The following INPP5A variants were observed in gnomAD, a reference collection of about 807,000 sequenced individuals.
The protein encoded by INPP5A is 43 kDa inositol polyphosphate 5-phophatase.
Under a neutral mutation model 65.2 loss-of-function variants are expected in INPP5A, and 14 were observed. The ratio of observed to expected loss-of-function variants is 0.21; its 90% confidence interval spans 0.14 to 0.34. The LOEUF (loss-of-function observed/expected upper bound fraction) is 0.34, where lower values mean the gene tolerates loss of function less well. Ranked by LOEUF, INPP5A falls within the 10% of genes least tolerant of loss-of-function variation. INPP5A has a pLI of 1.00. For missense variants in INPP5A, 431 were observed against 545.6 expected, an observed-to-expected ratio of 0.79 and a Z score of 2.09; for synonymous variants, 207 against 208.3, an observed-to-expected ratio of 0.99 and a Z score of 0.05.
At chr10:132,606,109 G>A (rs910331716) in intron 1 of INPP5A, among the ~76,000 whole-genome samples, 6 of 151,994 alleles carry the variant, frequency 3.9e-5, no homozygotes, top group African/African-American at 1.5e-4. Context: ...TTGGTGTTTA[G>A]GGTGGCTCCT....
chr10:132,779,374 G>A (rs534385923), intron 13 of INPP5A, among the ~76,000 whole-genome samples: 9 of 152,342 alleles, frequency 5.9e-5, no homozygotes, highest in South Asian at 2.1e-4. Context: ...GGAGCCTCCC[G>A]GGGACTCGGG....
chr10:132,721,235 G>T (rs1845871627), intron 8 of INPP5A, among the ~76,000 whole-genome samples: 1 of 150,442 alleles, frequency 6.6e-6, no homozygotes, highest in African/African-American at 2.4e-5. Flanking sequence ...TCAGGGTTCT[G>T]TGGTGCCTGG....
intron 9 of INPP5A, among the ~76,000 whole-genome samples, chr10:132,736,459 A>G (rs1383177894): frequency 6.6e-6 from 1 of 152,236 alleles, no homozygotes; most frequent in African/African-American, 2.4e-5. Context: ...CTGCAGGGGA[A>G]TGGCCGTTGG....
At chr10:132,769,555 T>TA (rs1288993055) in intron 12 of INPP5A, among the ~76,000 whole-genome samples, 3 of 152,150 alleles carry the variant, frequency 2.0e-5, no homozygotes, top group African/African-American at 7.2e-5. Flanking sequence ...CACGTGTGCT[T>TA]AGAGTTACTG....
chr10:132,744,066 T>C (rs1164452910), intron 9 of INPP5A, among the ~76,000 whole-genome samples: 1 of 152,072 alleles, frequency 6.6e-6, no homozygotes, highest in African/African-American at 2.4e-5. Context: ...CCCACAGAGG[T>C]GGAGGAGTGG....
At chr10:132,567,388 C>T (rs1389113416) in intron 1 of INPP5A, among the ~76,000 whole-genome samples, 1 of 152,252 alleles carries the variant, frequency 6.6e-6, no homozygotes, top group Non-Finnish European at 1.5e-5. Flanking sequence ...TCAAGCACTT[C>T]TCCCTTCTCG....
At chr10:132,667,307 G>A (rs536412036) in intron 4 of INPP5A, among the ~76,000 whole-genome samples, 10 of 152,354 alleles carry the variant, frequency 6.6e-5, no homozygotes, top group African/African-American at 2.4e-4. Flanking sequence ...TCAAAAGAGA[G>A]AGAACAAATC....
At chr10:132,652,583 C>T (rs1012380386) in intron 4 of INPP5A, among the ~76,000 whole-genome samples, 1 of 152,260 alleles carries the variant, frequency 6.6e-6, no homozygotes, top group Non-Finnish European at 1.5e-5. Context: ...GGGCTCTGCT[C>T]CCCGTCTCTG....
At chr10:132,755,273 GCCTT>G (rs1156989550) in intron 11 of INPP5A, among the ~76,000 whole-genome samples, 2 of 151,656 alleles carry the variant, frequency 1.3e-5, no homozygotes, top group African/African-American at 4.8e-5. Context: ...GTGCATGTGA[GCCTT>G]CATGAGCGTG....
intron 6 of INPP5A, among the ~76,000 whole-genome samples, chr10:132,703,982 T>C (rs1252778991): frequency 1.1e-5 from 1 of 89,214 alleles, no homozygotes; most frequent in African/African-American, 4.6e-5. Flanking sequence ...ACACGCAAGC[T>C]TCACCCACAC....
chr10:132,749,677 C>T (rs1372755642), intron 10 of INPP5A, 65 bp downstream of exon 10: 72 of 1,598,322 alleles, frequency 4.5e-5, no homozygotes, highest in Non-Finnish European at 5.6e-5. Context: ...CAGCTTCCTT[C>T]AGAGCCGCCC....
rs537427902 is a variant in INPP5A, at chr10:132,768,319, G to A, written c.977+2473G>A. ...CTCAGCGTTCCCAGGGTGCCCACGC[G>A]CCCAGTTGCATTCCAGAAAGATCCA... On this transcript the variant is annotated intron_variant, in intron 12 of 15. Transcript: ENST00000368594. Among the ~76,000 whole-genome samples the A allele has an allele frequency of 2.5e-3, 334 of 136,310 alleles. 2 individuals carry two copies. The highest frequency in any genetic ancestry group is 4.5e-3 in the Middle Eastern group (1 of 220). 89.4% of individuals were successfully genotyped at this position (136,310 alleles called of 152,430 possible). A position where few individuals can be genotyped will look rare whatever the true frequency, so the allele number is the denominator to read the frequency against.
chr10:132,558,514 G>T (rs544979184), intron 1 of INPP5A, among the ~76,000 whole-genome samples: 2 of 152,340 alleles, frequency 1.3e-5, no homozygotes, highest in South Asian at 4.1e-4. Flanking sequence ...GGGGGCGGGT[G>T]GTCCATATGC....
chr10:132,729,387 T>C (rs926196651), intron 9 of INPP5A, among the ~76,000 whole-genome samples: 5 of 152,206 alleles, frequency 3.3e-5, no homozygotes, highest in Non-Finnish European at 7.3e-5. Flanking sequence ...AGATCAGTCC[T>C]ATTTCTTAAA....
rs1005171619 is a variant in INPP5A, at chr10:132,555,883, C to T, written c.75+17712C>T. Among the ~76,000 whole-genome samples the T allele has an allele frequency of 2.0e-5, 3 of 152,172 alleles. No individual in the cohort carries two copies. Among genetic ancestry groups the T allele is most frequent in the South Asian group, 2.1e-4 (1 of 4,834 alleles). On this transcript the variant is annotated intron_variant, in intron 1 of 15. Coordinates refer to ENST00000368594, the MANE Select transcript of INPP5A (RefSeq NM_005539.5). The surrounding 1 kb of genome is among the most constrained non-coding windows in gnomAD (Gnocchi z 4.4). ...GAATCTGCGTCACAGATGAAAAACA[C>T]GCGTTTCCCCTTTTCGTAAGAGGAT... is the stretch of plus-strand genomic sequence containing the variant.
chr10:132,543,437 A>G (rs1329502272), intron 1 of INPP5A, among the ~76,000 whole-genome samples: 1 of 152,110 alleles, frequency 6.6e-6, no homozygotes, highest in Non-Finnish European at 1.5e-5. Context: ...TAAATTACAG[A>G]GACGGGGTCT....
intron 2 of INPP5A, among the ~76,000 whole-genome samples, chr10:132,613,780 A>G (rs2071991920): frequency 6.6e-6 from 1 of 152,246 alleles, no homozygotes; most frequent in Admixed American, 6.5e-5. Context: ...GGGCTGGATC[A>G]GACACCTGGT....
In INPP5A at chr10:132,650,811, G is replaced by A. The variant is rs2072566619; in HGVS notation, c.306+306G>A. Among the ~76,000 whole-genome samples, 1 of 152,198 alleles carries A rather than the reference G, an allele frequency of 6.6e-6. No individual in the cohort carries two copies. The highest frequency in any genetic ancestry group is 1.5e-5 in the Non-Finnish European group (1 of 68,016). On this transcript the variant is annotated intron_variant, in intron 4 of 15. Coordinates refer to ENST00000368594, the MANE Select transcript of INPP5A (RefSeq NM_005539.5). This position sits in a 1 kb window ranked among gnomAD's most constrained non-coding sequence, Gnocchi z 5.5. ...CCTCAGCGTGCATGAAAATAAGAGG[G>A]AGTCCGGGGCTCCAGGCGTGTAGAT...
Position 132,772,734 on chromosome 10 carries a change from ACGAAGAG to A in INPP5A, c.978-4936_978-4930del. On this transcript the variant is annotated intron_variant, in intron 12 of 15. Coordinates refer to ENST00000368594, the MANE Select transcript of INPP5A (RefSeq NM_005539.5). ...ACACGGAGGCCACGGCAGCCGCCCC[ACGAAGAG>A]TGGGACGGACACTCAGCACTGACAC... Among the ~76,000 whole-genome samples the A allele has an allele frequency of 1.7e-4, 2 of 11,686 alleles. 1 individual carries two copies. Among genetic ancestry groups the A allele is most frequent in the Non-Finnish European group, 3.2e-4 (2 of 6,178 alleles). 7.7% of individuals were successfully genotyped at this position (11,686 alleles called of 152,430 possible).
Sources: gnomAD v4.1 joint callset for allele counts (sites outside exome capture counted in the v4.1 genomes callset) on GRCh38, gnomAD v4.1.1 for gene constraint, Gnocchi (gnomAD v3.1) non-coding constraint, MANE v1.5 for transcripts, NCBI Gene and HGNC (gene_info 2026-07-23, HGNC 2026-07-21) for gene names.